The following ZFAND3 variants were observed in gnomAD, a reference collection of about 807,000 sequenced individuals.
ZFAND3 encodes the protein AN1-type zinc finger protein 3.
In ZFAND3, 10 loss-of-function variants were observed where a neutral mutation model predicts 29.6. That is an observed-to-expected ratio of 0.34 (90% CI 0.21 to 0.57). ZFAND3 has a LOEUF of 0.57. Among genes scored for constraint, ZFAND3 ranks in the 20% least tolerant of loss-of-function variants. The probability of loss-of-function intolerance (pLI) is 0.86; values close to 1 mark genes in which losing one functional copy is unlikely to be tolerated. For missense variants in ZFAND3, 230 were observed against 304.5 expected, an observed-to-expected ratio of 0.76 and a Z score of 1.82; for synonymous variants, 128 against 112.6, an observed-to-expected ratio of 1.14 and a Z score of -0.87.
chr6:38,124,927 T>A (rs1456533724), intron 5 of ZFAND3, among the ~76,000 whole-genome samples: 1 of 152,212 alleles, frequency 6.6e-6, no homozygotes, highest in Non-Finnish European at 1.5e-5. Context: ...GAACTCCTGT[T>A]TATATGCTGA....
chr6:37,849,713 A>G (rs754888371), intron 1 of ZFAND3, among the ~76,000 whole-genome samples: 3 of 152,056 alleles, frequency 2.0e-5, no homozygotes, highest in Non-Finnish European at 4.4e-5. Context: ...CCTGGCCTTG[A>G]TTTTTGTTTA....
At chr6:38,095,402 C>A (rs1764957771) in intron 4 of ZFAND3, among the ~76,000 whole-genome samples, 1 of 151,972 alleles carries the variant, frequency 6.6e-6, no homozygotes, top group African/African-American at 2.4e-5. Flanking sequence ...AATACAGGTC[C>A]CCCCACCCCT....
intron 2 of ZFAND3, among the ~76,000 whole-genome samples, chr6:37,962,276 T>C (rs550026225): frequency 1.3e-5 from 2 of 152,286 alleles, no homozygotes; most frequent in South Asian, 2.1e-4. Flanking sequence ...TTAGTGAGCT[T>C]GAAGACATGC....
intron 1 of ZFAND3, among the ~76,000 whole-genome samples, chr6:37,843,502 T>A (rs1351003154): frequency 1.3e-5 from 2 of 150,390 alleles, no homozygotes; most frequent in Non-Finnish European, 3.0e-5. Flanking sequence ...AAAAAAAAAA[T>A]GTGTTCCTGT....
At chr6:37,962,753 A>C (rs1762220096) in intron 2 of ZFAND3, among the ~76,000 whole-genome samples, 1 of 152,234 alleles carries the variant, frequency 6.6e-6, no homozygotes, top group African/African-American at 2.4e-5. Context: ...CACCTGAGCC[A>C]GCAAGGGCAA....
chr6:38,149,258 A>G (rs192816265), intron 5 of ZFAND3, among the ~76,000 whole-genome samples: 3 of 151,926 alleles, frequency 2.0e-5, no homozygotes, highest in African/African-American at 7.3e-5. Flanking sequence ...AATAAAGTAT[A>G]AAAAAACAGC....
intron 5 of ZFAND3, among the ~76,000 whole-genome samples, chr6:38,124,424 G>A (rs535010683): frequency 4.6e-5 from 7 of 152,342 alleles, no homozygotes; most frequent in Middle Eastern, 3.4e-3. Context: ...AGCCCACAGC[G>A]GGGGGCCAGG....
At chr6:37,961,344 A>T (rs1762192415) in intron 2 of ZFAND3, among the ~76,000 whole-genome samples, 1 of 152,200 alleles carries the variant, frequency 6.6e-6, no homozygotes, top group Admixed American at 6.5e-5. Flanking sequence ...ATGCAATAGA[A>T]CACCAGGTGG....
chr6:38,000,681 A>G (rs1162300255), intron 2 of ZFAND3, among the ~76,000 whole-genome samples: 1 of 152,224 alleles, frequency 6.6e-6, no homozygotes. Context: ...ATTATTCTCT[A>G]GTAAAACAAT....
chr6:37,929,791 GA>G (rs1372315143), intron 1 of ZFAND3, among the ~76,000 whole-genome samples, 167 bp from the exon 2 acceptor site: 2 of 148,894 alleles, frequency 1.3e-5, no homozygotes, highest in African/African-American at 5.0e-5. Flanking sequence ...TTATTTTGTT[GA>G]GGGGGGAGTG....
chr6:38,079,576 G>A (rs1764619012), intron 3 of ZFAND3, among the ~76,000 whole-genome samples: 1 of 152,110 alleles, frequency 6.6e-6, no homozygotes, highest in Non-Finnish European at 1.5e-5. Context: ...TTTCTTTAGG[G>A]ATTTTGATTT....
At chr6:37,975,197 A>G (rs1182932322) in intron 2 of ZFAND3, among the ~76,000 whole-genome samples, 2 of 152,088 alleles carry the variant, frequency 1.3e-5, no homozygotes. Flanking sequence ...GTGTGTACTG[A>G]TTCCTCATTA....
Position 37,819,806 on chromosome 6 carries a change from G to C in ZFAND3, c.-140G>C, listed in dbSNP as rs1763622456. 1 of 498,004 alleles carries C rather than the reference G, an allele frequency of 2.0e-6. No individual in the cohort carries two copies. Among genetic ancestry groups the C allele is most frequent in the Non-Finnish European group, 2.7e-6 (1 of 368,326 alleles). The allele number at this position is 498,004 out of a possible 1,614,324, so 30.8% of individuals were successfully genotyped here. A position where few individuals can be genotyped will look rare whatever the true frequency, so the allele number is the denominator to read the frequency against. On this transcript the variant is annotated 5_prime_UTR_variant, in exon 1 of 6. Coordinates refer to ENST00000287218, the MANE Select transcript of ZFAND3 (RefSeq NM_021943.3). ...AATCCCGGCTCCGAGCCCCGGACTC[G>C]CGCCCGCCCGCGCGCCCGCTCCTTC...
chr6:37,872,536 T>G (rs1340428648), intron 1 of ZFAND3, among the ~76,000 whole-genome samples: 44 of 152,166 alleles, frequency 2.9e-4, no homozygotes, highest in Admixed American at 2.9e-3. Context: ...TTCATGTCCC[T>G]TCTCAGTCAT....
intron 1 of ZFAND3, among the ~76,000 whole-genome samples, chr6:37,917,313 C>G (rs974431623): frequency 6.6e-6 from 1 of 152,080 alleles, no homozygotes; most frequent in African/African-American, 2.4e-5. Flanking sequence ...GTGACAAAAC[C>G]CAATTGCGAC....
chr6:37,944,134 T>C (rs1761858609), intron 2 of ZFAND3, among the ~76,000 whole-genome samples: 1 of 152,240 alleles, frequency 6.6e-6, no homozygotes, highest in African/African-American at 2.4e-5. Context: ...TGTGGGTTTA[T>C]GCACATGCAT....
At chr6:38,029,101 T>C (rs190056315) in intron 2 of ZFAND3, among the ~76,000 whole-genome samples, 75 of 152,358 alleles carry the variant, frequency 4.9e-4, no homozygotes, top group Admixed American at 1.8e-3. Flanking sequence ...ATTTTAGTTT[T>C]ATCTGAACTC....
intron 1 of ZFAND3, among the ~76,000 whole-genome samples, chr6:37,912,908 G>A (rs1266359593): frequency 6.6e-6 from 1 of 152,158 alleles, no homozygotes; most frequent in Non-Finnish European, 1.5e-5. Context: ...TATAGCACAA[G>A]TTACACAAAT....
chr6:37,946,400 G>T (rs886926549), intron 2 of ZFAND3, among the ~76,000 whole-genome samples: 1 of 152,164 alleles, frequency 6.6e-6, no homozygotes, highest in Non-Finnish European at 1.5e-5. Context: ...ATTTAGAGAA[G>T]CCCTTCCCTA....
Sources: allele counts gnomAD v4.1 joint callset (sites outside exome capture counted in the v4.1 genomes callset), GRCh38; gene constraint gnomAD v4.1.1; transcripts MANE v1.5; gene names NCBI Gene and HGNC (gene_info 2026-07-23, HGNC 2026-07-21).